HIVEP3: variants seen among roughly 807,000 people sequenced by gnomAD.
HIVEP3 encodes transcription factor HIVEP3.
A neutral mutation model predicts 152.8 loss-of-function variants in HIVEP3; 49 were observed. The ratio of observed to expected loss-of-function variants is 0.32; its 90% CI spans 0.26 to 0.41. The LOEUF (loss-of-function observed/expected upper bound fraction) is 0.41. Ranked by LOEUF, HIVEP3 falls within the 10% of genes least tolerant of loss-of-function variation. The probability of loss-of-function intolerance (pLI) is 1.00; values close to 1 mark genes in which losing one functional copy is unlikely to be tolerated. For synonymous variants in HIVEP3, 1,269 were observed against 1,289.0 expected (o/e 0.98, Z 0.33); for missense variants, 2,790 against 3,103.3 (o/e 0.90, Z 2.40).
intron 1 of HIVEP3, among the ~76,000 whole-genome samples, chr1:41,947,666 CT>C (rs1407600759): frequency 6.6e-6 from 1 of 152,204 alleles, no homozygotes; most frequent in South Asian, 2.1e-4. Flanking sequence ...TGGGGCAAGA[CT>C]TTTCTTTATA....
At chr1:41,648,319 G>A (rs1645492465) in intron 2 of HIVEP3, among the ~76,000 whole-genome samples, 1 of 152,038 alleles carries the variant, frequency 6.6e-6, no homozygotes, top group African/African-American at 2.4e-5. Context: ...AGTATTAAAC[G>A]AGCATGCATC....
chr1:41,906,848 T>TC (rs1644720908), intron 1 of HIVEP3, among the ~76,000 whole-genome samples: 1 of 130,652 alleles, frequency 7.7e-6, no homozygotes, highest in East Asian at 2.1e-4. Flanking sequence ...TTTTTTTTTT[T>TC]CTCTCTCTCT....
At chr1:41,652,381 A>G (rs928495196) in intron 2 of HIVEP3, among the ~76,000 whole-genome samples, 1 of 152,214 alleles carries the variant, frequency 6.6e-6, no homozygotes, top group African/African-American at 2.4e-5. Context: ...CCAGTTTCCA[A>G]CGAGAGGCAA....
chr1:41,800,572 C>G (rs188125264), intron 1 of HIVEP3, among the ~76,000 whole-genome samples: 1 of 152,306 alleles, frequency 6.6e-6, no homozygotes, highest in East Asian at 1.9e-4. Context: ...AACCACCCAG[C>G]CAGAATTGTG....
chr1:41,684,938 C>T (rs1646092932), intron 2 of HIVEP3, among the ~76,000 whole-genome samples: 1 of 152,238 alleles, frequency 6.6e-6, no homozygotes, highest in Non-Finnish European at 1.5e-5. Flanking sequence ...TATTCTCCTA[C>T]CAGCTACAGA....
intron 1 of HIVEP3, among the ~76,000 whole-genome samples, chr1:41,979,357 G>A (rs1645282253): frequency 6.6e-6 from 1 of 152,070 alleles, no homozygotes; most frequent in African/African-American, 2.4e-5. Flanking sequence ...ATGCTGGCTC[G>A]AAGACCATCA....
At chr1:41,550,743 T>C (rs1018515144) in intron 5 of HIVEP3, among the ~76,000 whole-genome samples, 1 of 152,380 alleles carries the variant, frequency 6.6e-6, no homozygotes, top group Admixed American at 6.5e-5. Flanking sequence ...GAGACTTTGC[T>C]GAAGTTGCTT....
In HIVEP3 at chr1:41,581,803, C is replaced by T. The variant is rs774735103; in HGVS notation, c.2995G>A (p.Val999Ile). Residue 999 changes from valine (V) to isoleucine (I), a missense_variant, in exon 4 of 9, where the codon GTT becomes ATT. Coordinates refer to ENST00000372583, the MANE Select transcript of HIVEP3 (RefSeq NM_024503.5). The surrounding 1 kb of genome is among the most constrained non-coding windows in gnomAD (Gnocchi z 4.5). ...TCGGTCATGTGGGCAGAATGGGAAA[C>T]GTTGGGGCTCTGCTCTGAGGCTGAC... is the stretch of plus-strand genomic sequence containing the variant. ...RRSASEQSPN[V>I]SHSAHMTETR... 1.1e-5 allele frequency: 17 copies of T among 1,586,428 alleles called. No homozygotes were observed. The East Asian group carries it at 1.8e-4, about 17-fold the overall frequency.
At chr1:41,545,378 T>TACCACC (rs60196842) in intron 5 of HIVEP3, among the ~76,000 whole-genome samples, 4 of 72,894 alleles carry the variant, frequency 5.5e-5, no homozygotes, top group Admixed American at 1.3e-4. Context: ...CCACCACCAC[T>TACCACC]ACCACCACCA....
intron 1 of HIVEP3, among the ~76,000 whole-genome samples, chr1:41,986,390 A>G (rs1645322652): frequency 1.3e-5 from 2 of 152,044 alleles, no homozygotes; most frequent in Non-Finnish European, 2.9e-5. Flanking sequence ...GTATTTGTTG[A>G]ACAAGTGGTA....
intron 1 of HIVEP3, among the ~76,000 whole-genome samples, chr1:41,755,878 A>T (rs1647286257): frequency 6.6e-6 from 1 of 152,256 alleles, no homozygotes; most frequent in Non-Finnish European, 1.5e-5. Context: ...GCCGGTGGGA[A>T]TATAAAATGA....
intron 1 of HIVEP3, among the ~76,000 whole-genome samples, chr1:41,782,363 C>T (rs1649093985): frequency 6.6e-6 from 1 of 152,066 alleles, no homozygotes; most frequent in Non-Finnish European, 1.5e-5. Flanking sequence ...TTTGGAGAGG[C>T]AAAATAAGTT....
intron 1 of HIVEP3, among the ~76,000 whole-genome samples, chr1:42,005,864 A>G (rs2124526498): frequency 6.6e-6 from 1 of 152,366 alleles, no homozygotes; most frequent in African/African-American, 2.4e-5. Flanking sequence ...GCTTAAAGTG[A>G]GAAATGTAGA....
At chr1:41,763,675 T>C (rs1008356020) in intron 1 of HIVEP3, among the ~76,000 whole-genome samples, 1 of 152,226 alleles carries the variant, frequency 6.6e-6, no homozygotes, top group East Asian at 1.9e-4. Flanking sequence ...AAATATATCA[T>C]ATAGTAATGC....
intron 2 of HIVEP3, among the ~76,000 whole-genome samples, chr1:41,640,783 G>T (rs139384796): frequency 3.3e-5 from 5 of 152,316 alleles, no homozygotes; most frequent in Admixed American, 1.3e-4. Flanking sequence ...TCATACTAAT[G>T]CTACGGTCAG....
intron 1 of HIVEP3, among the ~76,000 whole-genome samples, chr1:41,941,527 A>G (rs2124485519): frequency 6.6e-6 from 1 of 152,320 alleles, no homozygotes; most frequent in East Asian, 1.9e-4. Flanking sequence ...TGATGGCTTC[A>G]ATTTTCTACA....
chr1:41,545,794 T>A (rs1351816375), intron 5 of HIVEP3, among the ~76,000 whole-genome samples: 1 of 105,310 alleles, frequency 9.5e-6, no homozygotes, highest in Non-Finnish European at 2.0e-5. Context: ...ACCACCACCA[T>A]CACCACCATC....
chr1:41,639,405 A>G (rs906533637), intron 2 of HIVEP3, among the ~76,000 whole-genome samples: 1 of 152,164 alleles, frequency 6.6e-6, no homozygotes, highest in African/African-American at 2.4e-5. Context: ...TTCATCCATT[A>G]CTAGCTCACT....
chr1:41,540,036 C>T (rs1643489905), intron 5 of HIVEP3, among the ~76,000 whole-genome samples: 3 of 152,270 alleles, frequency 2.0e-5, no homozygotes, highest in East Asian at 1.9e-4. Context: ...ATTCAGCCAG[C>T]GTCTTACAGG....
Sources: allele counts gnomAD v4.1 joint callset (sites outside exome capture counted in the v4.1 genomes callset), GRCh38; gene constraint gnomAD v4.1.1; non-coding constraint Gnocchi (gnomAD v3.1); transcripts MANE v1.5; gene names NCBI Gene and HGNC (gene_info 2026-07-23, HGNC 2026-07-21).